MAP3K7CL: variants seen among roughly 807,000 people sequenced by gnomAD.
MAP3K7CL encodes the protein MAP3K7 C-terminal-like protein.
MAP3K7CL carries 16 observed loss-of-function variants against 18.6 expected under a neutral mutation model. The observed-to-expected ratio is 0.86, with a 90% CI of 0.58 to 1.31. The LOEUF (loss-of-function observed/expected upper bound fraction) is 1.31, where lower values mean the gene tolerates loss of function less well. Ranked by LOEUF, MAP3K7CL falls within the 50% of genes most tolerant of loss-of-function variation. The probability of loss-of-function intolerance (pLI) is 0.00; values close to 1 mark genes in which losing one functional copy is unlikely to be tolerated. For missense variants in MAP3K7CL, 163 were observed against 174.4 expected (o/e 0.93, Z 0.37); for synonymous variants, 65 against 66.8 (o/e 0.97, Z 0.13).
At position 29,098,677 on chromosome 21, in the gene MAP3K7CL, G is replaced by C. The variant is rs138260338; in HGVS notation, c.370+6096G>C. 7.8e-3 allele frequency among the ~76,000 whole-genome samples: 1,182 copies of C among 152,312 alleles called. 17 individuals carry two copies. Among genetic ancestry groups the C allele is most frequent in the African/African-American group, 0.027 (1,106 of 41,570 alleles). On this transcript the variant is annotated intron_variant, in intron 4 of 6. Transcript: ENST00000286791. ...CTCAGAGAGGGCAAATAACTAGCTT[G>C]TGTTCACCTAGCTAGTAAGTGGCAA...
At chr21:29,086,058 A>C (rs1488373923) in intron 1 of MAP3K7CL, 1 of 880,290 alleles carries the variant, frequency 1.1e-6, no homozygotes, top group African/African-American at 1.7e-5. Flanking sequence ...TACTGTTGGC[A>C]ATCTGTGGGA....
Position 29,092,560 on chromosome 21 carries a change from G to A in MAP3K7CL, c.349G>A (p.Glu117Lys), listed in dbSNP as rs764189661. The A allele has an allele frequency of 4.4e-5, 71 of 1,614,140 alleles. 1 individual carries two copies. The South Asian group carries it at 7.1e-4, about 16-fold the overall frequency. ...GCCAAAGTCTATTACTGTGCCCGTG[G>A]AAATCCCCAGCTCCCCTCTGGGTGA... is the stretch of plus-strand genomic sequence containing the variant. Residue 117 changes from glutamate (E) to lysine (K), a missense_variant, in exon 4 of 7, where the codon GAA becomes AAA. Physicochemically the swap from Glu to Lys is moderately conservative, Grantham distance 56. Transcript: ENST00000286791.
chr21:29,110,815 C>T (rs150552941), intron 4 of MAP3K7CL, among the ~76,000 whole-genome samples: 67 of 152,178 alleles, frequency 4.4e-4, no homozygotes, highest in African/African-American at 1.6e-3. Context: ...TCTTTTTGTT[C>T]TCTGAATGTT....
intron 1 of MAP3K7CL, among the ~76,000 whole-genome samples, chr21:29,090,511 G>C (rs1183134153): frequency 1.3e-5 from 2 of 152,018 alleles, no homozygotes; most frequent in African/African-American, 2.4e-5. Flanking sequence ...CTCCCGAGTA[G>C]CTGGGACTAC....
chr21:29,163,864 T>TA (rs1187122872), intron 4 of MAP3K7CL, among the ~76,000 whole-genome samples: 1 of 151,826 alleles, frequency 6.6e-6, no homozygotes, highest in Non-Finnish European at 1.5e-5. Context: ...CCCAGTTAAT[T>TA]AAAAAAATTT....
exon 3 of MAP3K7CL, chr21:29,091,680 G>A (rs571100586): frequency 7.1e-5 from 50 of 701,732 alleles, no homozygotes; most frequent in East Asian, 6.2e-4. Flanking sequence ...ATGGAGTCTC[G>A]CTATTTTGCC....
chr21:29,123,789 G>A (rs2086637652), intron 4 of MAP3K7CL, among the ~76,000 whole-genome samples: 2 of 152,172 alleles, frequency 1.3e-5, no homozygotes, highest in African/African-American at 4.8e-5. Flanking sequence ...TGTTAATGAA[G>A]AGAGTGCTCT....
Position 29,145,288 on chromosome 21 carries a change from A to G in MAP3K7CL, c.71-3901A>G, listed in dbSNP as rs988759154. Among the ~76,000 whole-genome samples, 4 of 152,104 alleles carry G rather than the reference A, an allele frequency of 2.6e-5. No homozygotes were observed. In the South Asian group the frequency reaches 8.3e-4, roughly 31 times the overall value. On this transcript the variant is annotated intron_variant, in intron 2 of 4. Transcript: ENST00000399928. ...TATCAAGCAACTATTTTTTTTTTCA[A>G]AAAAGCTAAATTTGCTAGAGGGTCT... is the stretch of plus-strand genomic sequence containing the variant.
intron 4 of MAP3K7CL, among the ~76,000 whole-genome samples, chr21:29,099,039 A>C (rs1429604191): frequency 1.3e-5 from 2 of 152,114 alleles, no homozygotes; most frequent in Non-Finnish European, 2.9e-5. Flanking sequence ...GGTTTAGGGC[A>C]GTGGTTCACT....
At chr21:29,087,655 G>A (rs1006739850) in intron 1 of MAP3K7CL, among the ~76,000 whole-genome samples, 7 of 145,744 alleles carry the variant, frequency 4.8e-5, no homozygotes, top group Admixed American at 2.1e-4. Context: ...GTGCAGCGGC[G>A]CGATCTCCGC....
chr21:29,084,040 A>ATATAATATTATATGTATATATACATG (rs2085883680), upstream of MAP3K7CL, among the ~76,000 whole-genome samples: 1 of 148,008 alleles, frequency 6.8e-6, no homozygotes, highest in African/African-American at 2.5e-5. Flanking sequence ...ATATAATTAT[A>ATATAATATTATATGTATATATACATG]TATAATATTA....
At chr21:29,085,875 T>C in exon 1 of MAP3K7CL, 1 of 1,614,160 alleles carries the variant, frequency 6.2e-7, no homozygotes. Flanking sequence ...TTCAGCTGAT[T>C]GCACCTTTAG....
intron 2 of MAP3K7CL, among the ~76,000 whole-genome samples, chr21:29,142,336 G>C (rs2087028232): frequency 6.6e-6 from 1 of 152,172 alleles, no homozygotes; most frequent in Non-Finnish European, 1.5e-5. Flanking sequence ...TAAAGTGCTG[G>C]AATTACAGGC....
chr21:29,153,534 AC>A (rs2087326980), intron 3 of MAP3K7CL, among the ~76,000 whole-genome samples: 1 of 151,772 alleles, frequency 6.6e-6, no homozygotes. Flanking sequence ...TGCAGCCTCG[AC>A]CTCCCCAAGC....
At chr21:29,145,841 T>C (rs1218887045) in intron 2 of MAP3K7CL, 1 of 152,224 alleles carries the variant, frequency 6.6e-6, no homozygotes, top group African/African-American at 2.4e-5. Flanking sequence ...ATCTATTGTA[T>C]GTTGATTTCT....
At chr21:29,109,966 A>G (rs1297601936) in intron 4 of MAP3K7CL, among the ~76,000 whole-genome samples, 1 of 152,110 alleles carries the variant, frequency 6.6e-6, no homozygotes, top group East Asian at 1.9e-4. Context: ...CCAACAAGAG[A>G]TGTTATCTAT....
chr21:29,111,205 G>A (rs1007391370), intron 4 of MAP3K7CL, among the ~76,000 whole-genome samples: 7 of 151,584 alleles, frequency 4.6e-5, no homozygotes, highest in Non-Finnish European at 8.8e-5. Flanking sequence ...GCAGTGAGCC[G>A]AGATCACACC....
At position 29,148,154 on chromosome 21, in the gene MAP3K7CL, A is replaced by G. The variant is rs576520128; in HGVS notation, c.71-1035A>G. Among the ~76,000 whole-genome samples, 4 of 151,762 alleles carry G rather than the reference A, an allele frequency of 2.6e-5. No homozygotes were observed. In the East Asian group the frequency reaches 7.8e-4, roughly 29 times the overall value. On this transcript the variant is annotated intron_variant, in intron 2 of 4. Transcript: ENST00000399928. ...TTTTATATGTATGTACTGTATATGT[A>G]TCTGTACTGTACCTGTACTGTATGT...
chr21:29,170,921 G>A (rs1334197222), intron 4 of MAP3K7CL, among the ~76,000 whole-genome samples: 1 of 145,248 alleles, frequency 6.9e-6, no homozygotes, highest in African/African-American at 2.6e-5. Context: ...TTACAGGTGT[G>A]AGCCTCTGTG....
Sources: gnomAD v4.1 joint callset for allele counts (sites outside exome capture counted in the v4.1 genomes callset) on GRCh38, gnomAD v4.1.1 for gene constraint, MANE v1.5 for transcripts, NCBI Gene and HGNC (gene_info 2026-07-23, HGNC 2026-07-21) for gene names.